CELF2: variants seen among roughly 807,000 people sequenced by gnomAD.
CELF2 encodes the protein CUG triplet repeat RNA-binding protein 2.
A neutral mutation model predicts 62.6 loss-of-function variants in CELF2; 8 were observed. The ratio of observed to expected loss-of-function variants is 0.13; its 90% CI spans 0.07 to 0.23. The LOEUF (loss-of-function observed/expected upper bound fraction) is 0.23. Among genes scored for constraint, CELF2 ranks in the 10% least tolerant of loss-of-function variants. The pLI is 1.00. For synonymous variants in CELF2, 258 were observed against 250.0 expected (o/e 1.03, Z -0.30); for missense variants, 333 against 671.0 (o/e 0.50, Z 5.56).
intron 1 of CELF2, among the ~76,000 whole-genome samples, chr10:11,151,730 T>G (rs1262863649): frequency 6.6e-6 from 1 of 152,158 alleles, no homozygotes; most frequent in Non-Finnish European, 1.5e-5. Flanking sequence ...CCTGGATGTT[T>G]ACATCTTATG....
At chr10:11,086,919 T>G (rs992380541) in intron 1 of CELF2, among the ~76,000 whole-genome samples, 5 of 152,162 alleles carry the variant, frequency 3.3e-5, no homozygotes, top group African/African-American at 1.2e-4. Context: ...GCAAAATTGA[T>G]CCTTGAGAAT....
At chr10:11,148,419 G>A (rs1027237294) in intron 1 of CELF2, among the ~76,000 whole-genome samples, 6 of 152,182 alleles carry the variant, frequency 3.9e-5, no homozygotes, top group Admixed American at 3.9e-4. Flanking sequence ...TGCCCAATAT[G>A]CTTTTTTCTC....
chr10:10,490,167 G>C, the CELF2 span, among the ~76,000 whole-genome samples: 1 of 151,994 alleles, frequency 6.6e-6, no homozygotes, highest in East Asian at 1.9e-4. Context: ...AACTCTTTAG[G>C]CTTGCCTAAA....
chr10:10,486,334 C>T, the CELF2 span, among the ~76,000 whole-genome samples: 1 of 152,120 alleles, frequency 6.6e-6, no homozygotes, highest in Non-Finnish European at 1.5e-5. Context: ...GAAACTGGCC[C>T]CATAATGATT....
At chr10:10,686,436 CCT>C in the CELF2 span, among the ~76,000 whole-genome samples, 1 of 151,952 alleles carries the variant, frequency 6.6e-6, no homozygotes. Flanking sequence ...TCACCGCATC[CCT>C]GAGATCTTCC....
intron 2 of CELF2, among the ~76,000 whole-genome samples, chr10:10,979,672 CAA>C (rs35482385): frequency 0.17 from 11,737 of 68,298 alleles, 653 homozygotes; most frequent in African/African-American, 0.32. Context: ...CCTTGTCTCT[CAA>C]AAAAAAAAAA....
At chr10:10,783,492 C>G in the CELF2 span, among the ~76,000 whole-genome samples, 2 of 152,204 alleles carry the variant, frequency 1.3e-5, no homozygotes, top group Non-Finnish European at 2.9e-5. Context: ...GTACCGACAC[C>G]ATGATCTTAG....
At chr10:11,295,382 A>G (rs1432703022) in intron 9 of CELF2, among the ~76,000 whole-genome samples, 4 of 152,256 alleles carry the variant, frequency 2.6e-5, no homozygotes, top group Non-Finnish European at 5.9e-5. Context: ...ACACCATGGT[A>G]AAAACAATTT....
At chr10:11,120,821 G>A (rs946793199) in intron 1 of CELF2, among the ~76,000 whole-genome samples, 3 of 152,194 alleles carry the variant, frequency 2.0e-5, no homozygotes, top group Non-Finnish European at 2.9e-5. Context: ...ACCATAGTGA[G>A]ACTTACGGCA....
chr10:10,712,109 C>A, the CELF2 span, among the ~76,000 whole-genome samples: 1 of 123,804 alleles, frequency 8.1e-6, no homozygotes, highest in African/African-American at 3.1e-5. Flanking sequence ...TTCCCAGATT[C>A]ACTATATATA....
chr10:10,696,269 G>T, the CELF2 span, among the ~76,000 whole-genome samples: 3 of 152,060 alleles, frequency 2.0e-5, no homozygotes, highest in Middle Eastern at 3.4e-3. Flanking sequence ...GCCGTGTGAG[G>T]TGTCAGTGTG....
chr10:10,731,330 G>C, the CELF2 span, among the ~76,000 whole-genome samples: 18 of 151,948 alleles, frequency 1.2e-4, no homozygotes, highest in Admixed American at 1.2e-3. Context: ...AACATGGCTT[G>C]CTGTGACTAG....
At chr10:10,816,076 T>A (rs2056438485) in intron 1 of CELF2, among the ~76,000 whole-genome samples, 1 of 152,214 alleles carries the variant, frequency 6.6e-6, no homozygotes, top group South Asian at 2.1e-4. Flanking sequence ...CAATTGTATT[T>A]GGTCTAAACT....
the CELF2 span, among the ~76,000 whole-genome samples, chr10:10,661,503 T>A: frequency 8.9e-4 from 135 of 152,358 alleles, 1 homozygote; most frequent in East Asian, 0.011. Flanking sequence ...AAGATATATG[T>A]CCAAGGCCTT....
chr10:11,077,096 C>G (rs887821877), intron 1 of CELF2, among the ~76,000 whole-genome samples: 8 of 152,174 alleles, frequency 5.3e-5, no homozygotes, highest in African/African-American at 1.9e-4. Flanking sequence ...AAGTCCTTTG[C>G]CGTTTTGCAA....
At chr10:10,538,316 A>C in the CELF2 span, among the ~76,000 whole-genome samples, 1 of 152,178 alleles carries the variant, frequency 6.6e-6, no homozygotes. Context: ...ACCATAGGGC[A>C]AGAGAGCCCC....
intron 1 of CELF2, among the ~76,000 whole-genome samples, chr10:10,860,321 A>C (rs946713117): frequency 1.3e-5 from 2 of 152,180 alleles, no homozygotes. Flanking sequence ...TTGACTTCAC[A>C]GACCTCCTGA....
chr10:10,897,890 A>G (rs2062674563), intron 1 of CELF2, among the ~76,000 whole-genome samples: 1 of 152,202 alleles, frequency 6.6e-6, no homozygotes, highest in Non-Finnish European at 1.5e-5. Context: ...ACCTTTCTAG[A>G]AAAAGAAAAG....
chr10:10,863,518 A>G (rs1296746827), intron 1 of CELF2, among the ~76,000 whole-genome samples: 2 of 152,182 alleles, frequency 1.3e-5, no homozygotes, highest in South Asian at 2.1e-4. Flanking sequence ...TGTCTTATCT[A>G]TCAAATGGGG....
Sources: gnomAD v4.1 joint callset for allele counts (sites outside exome capture counted in the v4.1 genomes callset) on GRCh38, gnomAD v4.1.1 for gene constraint, MANE v1.5 for transcripts, NCBI Gene and HGNC (gene_info 2026-07-23, HGNC 2026-07-21) for gene names.